The following SEMA3A variants were observed in gnomAD, a reference collection of about 807,000 sequenced individuals.
SEMA3A encodes semaphorin 3A, also known as semaphorin-3A.
In SEMA3A, 29 loss-of-function variants were observed where a neutral mutation model predicts 97.9. The ratio of observed to expected loss-of-function variants is 0.30; its 90% CI spans 0.22 to 0.40. SEMA3A has a LOEUF of 0.40. Among genes scored for constraint, SEMA3A ranks in the 10% least tolerant of loss-of-function variants. SEMA3A has a pLI of 1.00. For synonymous variants in SEMA3A, 321 were observed against 323.7 expected, an observed-to-expected ratio of 0.99 and a Z score of 0.09; for missense variants, 763 against 951.3, an observed-to-expected ratio of 0.80 and a Z score of 2.60.
intron 1 of SEMA3A, among the ~76,000 whole-genome samples, chr7:84,180,403 C>T (rs1038641449): frequency 1.3e-5 from 2 of 151,730 alleles, no homozygotes; most frequent in East Asian, 2.0e-4. Context: ...ATTAACCTGA[C>T]GAGGCTGGGT....
chr7:84,310,643 A>T (rs746017944), intron 2 of SEMA3A, among the ~76,000 whole-genome samples: 1 of 152,124 alleles, frequency 6.6e-6, no homozygotes, highest in Non-Finnish European at 1.5e-5. Flanking sequence ...ACGGGGCCGT[A>T]CTAAGAACAA....
intron 15 of SEMA3A, among the ~76,000 whole-genome samples, chr7:83,966,704 G>A (rs1253929621): frequency 4.4e-5 from 5 of 114,832 alleles, no homozygotes; most frequent in Middle Eastern, 4.2e-3. Flanking sequence ...ATTATTAAAA[G>A]TAAATTTTTT....
chr7:84,328,529 T>C (rs1033829124), intron 2 of SEMA3A, among the ~76,000 whole-genome samples: 7 of 152,010 alleles, frequency 4.6e-5, no homozygotes, highest in African/African-American at 1.7e-4. Flanking sequence ...CAATGTTGCT[T>C]GTAATGCATA....
chr7:84,005,969 AAGT>A (rs1178793571), intron 10 of SEMA3A, among the ~76,000 whole-genome samples: 1 of 152,068 alleles, frequency 6.6e-6, no homozygotes, highest in African/African-American at 2.4e-5. Flanking sequence ...TAAAGGAAAA[AAGT>A]AGTGCAATAT....
rs576113961 is a variant in SEMA3A at position 84,235,785 on chromosome 7, A to G, written c.-82-41117T>C. On this transcript the variant is annotated intron_variant, in intron 3 of 3. Transcript: ENST00000424555. ...AACAAAGAGAACTCTAACATGGTCG[A>G]GTATACTGTCTTCATGAAAACATAG... Among the ~76,000 whole-genome samples, 47 of 152,078 alleles carry G rather than the reference A, an allele frequency of 3.1e-4. No individual in the cohort carries two copies. In the East Asian group the frequency reaches 7.9e-3, roughly 26 times the overall value.
upstream of SEMA3A, among the ~76,000 whole-genome samples, chr7:84,199,566 G>GT (rs371073805): frequency 4.0e-3 from 584 of 146,292 alleles, 2 homozygotes; most frequent in African/African-American, 0.011. Context: ...TGTTATTTCC[G>GT]TTTTTTTTTT....
intron 1 of SEMA3A, among the ~76,000 whole-genome samples, chr7:84,158,404 G>A (rs1452261939): frequency 3.3e-5 from 5 of 151,738 alleles, no homozygotes; most frequent in African/African-American, 4.8e-5. Flanking sequence ...CACCTGCCTC[G>A]GCCTCCCAAA....
chr7:84,118,847 C>T lies in SEMA3A; in HGVS notation c.334-8258G>A, dbSNP rs1271482969. 3.3e-5 allele frequency among the ~76,000 whole-genome samples: 5 copies of T among 152,274 alleles called. No homozygotes were observed. In the East Asian group the frequency reaches 9.7e-4, roughly 30 times the overall value. On this transcript the variant is annotated intron_variant, in intron 3 of 16. Coordinates refer to ENST00000265362, the MANE Select transcript of SEMA3A (RefSeq NM_006080.3). ...AGTAGCCTTCCATAGAGTTCTTCAC[C>T]AGCTCTCATGATTGTATAAGGTCTA...
At chr7:84,488,026 A>G (rs184396106) in intron 1 of SEMA3A, among the ~76,000 whole-genome samples, 3 of 152,230 alleles carry the variant, frequency 2.0e-5, no homozygotes, top group Admixed American at 2.0e-4. Flanking sequence ...TTGGTTTAAT[A>G]ATTATAATAA....
chr7:84,009,395 C>T (rs1404479), intron 9 of SEMA3A, among the ~76,000 whole-genome samples: 53,573 of 151,802 alleles, frequency 0.35, 12,079 homozygotes, highest in African/African-American at 0.65. Flanking sequence ...AATATGGATT[C>T]CTTAATTTTT....
At chr7:84,207,967 T>C (rs988443903) in intron 3 of SEMA3A, among the ~76,000 whole-genome samples, 1 of 152,200 alleles carries the variant, frequency 6.6e-6, no homozygotes, top group Non-Finnish European at 1.5e-5. Flanking sequence ...GTGTATTTTA[T>C]ATATGTGTAT....
intron 3 of SEMA3A, among the ~76,000 whole-genome samples, chr7:84,268,087 A>G (rs1800049395): frequency 6.6e-6 from 1 of 152,238 alleles, no homozygotes. Context: ...TGAAGGGACT[A>G]ATTGAATCAA....
At chr7:84,287,244 A>G (rs1236311018) in intron 3 of SEMA3A, among the ~76,000 whole-genome samples, 3 of 152,168 alleles carry the variant, frequency 2.0e-5, no homozygotes, top group Non-Finnish European at 4.4e-5. Context: ...CAAAAGATGT[A>G]TATATTGAAG....
At chr7:84,199,750 TG>T (rs1481579352), upstream of SEMA3A, among the ~76,000 whole-genome samples, 1 of 152,138 alleles carries the variant, frequency 6.6e-6, no homozygotes, top group Admixed American at 6.5e-5. Context: ...AAAAGAATTC[TG>T]TGGGTGAAAA....
intron 1 of SEMA3A, among the ~76,000 whole-genome samples, chr7:84,154,097 A>G (rs556336915): frequency 2.0e-5 from 3 of 152,248 alleles, no homozygotes; most frequent in Non-Finnish European, 4.4e-5. Flanking sequence ...TTCTTATAGA[A>G]ATCTTATTAA....
intron 4 of SEMA3A, among the ~76,000 whole-genome samples, chr7:84,063,706 G>A (rs1280645597): frequency 1.3e-5 from 2 of 150,740 alleles, no homozygotes; most frequent in African/African-American, 4.9e-5. Flanking sequence ...AAGCGAGAAG[G>A]GAAGTTTAGA....
chr7:84,023,409 A>C (rs911531114), intron 6 of SEMA3A, among the ~76,000 whole-genome samples: 3 of 152,216 alleles, frequency 2.0e-5, no homozygotes, highest in African/African-American at 7.2e-5. Flanking sequence ...AGAATGATTA[A>C]TTAAGGCATT....
intron 4 of SEMA3A, among the ~76,000 whole-genome samples, chr7:84,073,407 T>C (rs980286987): frequency 4.6e-5 from 7 of 152,000 alleles, no homozygotes; most frequent in Non-Finnish European, 1.0e-4. Flanking sequence ...AGAAAATAAA[T>C]ATGATTCATA....
intron 1 of SEMA3A, among the ~76,000 whole-genome samples, chr7:84,477,794 T>C (rs962758407): frequency 1.3e-5 from 2 of 152,176 alleles, no homozygotes; most frequent in Non-Finnish European, 2.9e-5. Context: ...ATGGTAAAAA[T>C]GTTCAGTGAA....
Sources: allele counts gnomAD v4.1 joint callset (sites outside exome capture counted in the v4.1 genomes callset), GRCh38; gene constraint gnomAD v4.1.1; transcripts MANE v1.5; gene names NCBI Gene and HGNC (gene_info 2026-07-23, HGNC 2026-07-21).